The following MGAT4C variants were observed in gnomAD, a reference collection of about 807,000 sequenced individuals.
MGAT4C encodes MGAT4 family member C.
MGAT4C carries 19 observed loss-of-function variants against 40.1 expected under a neutral mutation model. The ratio of observed to expected loss-of-function variants is 0.47; its 90% CI spans 0.33 to 0.70. MGAT4C has a LOEUF of 0.70. Ranked by LOEUF, MGAT4C falls within the 30% of genes least tolerant of loss-of-function variation. MGAT4C has a pLI of 0.02. For synonymous variants in MGAT4C, 181 were observed against 187.1 expected (o/e 0.97, Z 0.27); for missense variants, 491 against 563.2 (o/e 0.87, Z 1.30).
At chr12:86,635,771 G>C (rs1054041485) in intron 2 of MGAT4C, among the ~76,000 whole-genome samples, 3 of 151,504 alleles carry the variant, frequency 2.0e-5, no homozygotes, top group Admixed American at 2.0e-4. Context: ...TGAACTCCTG[G>C]GCTCCAGGGA....
intron 1 of MGAT4C, among the ~76,000 whole-genome samples, chr12:86,191,083 G>GCACACACACA (rs56357601): frequency 1.4e-4 from 20 of 138,470 alleles, no homozygotes; most frequent in Middle Eastern, 3.8e-3. Flanking sequence ...CTCTCTCTCT[G>GCACACACACA]CACACACACA....
At chr12:86,629,943 C>A (rs1459826650) in intron 2 of MGAT4C, among the ~76,000 whole-genome samples, 3 of 151,716 alleles carry the variant, frequency 2.0e-5, no homozygotes, top group Non-Finnish European at 4.4e-5. Flanking sequence ...AAAAACCATT[C>A]AAAAATCAAT....
Position 85,964,057 on chromosome 12 carries a change from G to C in MGAT4C, c.*15232C>G, listed in dbSNP as rs953303131. 6.6e-6 allele frequency: 1 copy of C among 151,686 alleles called. No individual in the cohort carries two copies. Among genetic ancestry groups the C allele is most frequent in the Non-Finnish European group, 1.5e-5 (1 of 67,846 alleles). The allele number at this position is 151,686 out of a possible 1,614,324, so 9.4% of individuals were successfully genotyped here. ...TAAACAAGCAGAAAACAAAACTATA[G>C]AAAAAAGTCAAAGTGACATAAAACA... is the stretch of plus-strand genomic sequence containing the variant. On this transcript the variant is annotated 3_prime_UTR_variant, in exon 5 of 5. Coordinates refer to ENST00000611864, the MANE Select transcript of MGAT4C (RefSeq NM_001351288.2).
At chr12:86,182,270 C>T (rs1888212185) in intron 1 of MGAT4C, among the ~76,000 whole-genome samples, 1 of 152,064 alleles carries the variant, frequency 6.6e-6, no homozygotes, top group Non-Finnish European at 1.5e-5. Context: ...TTTTGACTCT[C>T]ATCATCATAG....
chr12:86,055,491 A>C (rs899357904), intron 1 of MGAT4C, among the ~76,000 whole-genome samples: 1 of 152,052 alleles, frequency 6.6e-6, no homozygotes, highest in African/African-American at 2.4e-5. Context: ...CTAAACCATA[A>C]ATCATATAAG....
chr12:86,519,317 T>G (rs1958750749), intron 2 of MGAT4C, among the ~76,000 whole-genome samples: 2 of 152,190 alleles, frequency 1.3e-5, no homozygotes, highest in South Asian at 4.1e-4. Flanking sequence ...GATGAGAACT[T>G]TGGTTGATTC....
intron 2 of MGAT4C, among the ~76,000 whole-genome samples, chr12:86,475,084 A>G (rs1957812769): frequency 6.6e-6 from 1 of 152,104 alleles, no homozygotes; most frequent in African/African-American, 2.4e-5. Context: ...TTGAAAATTA[A>G]GGACTAAAGT....
intron 1 of MGAT4C, among the ~76,000 whole-genome samples, chr12:86,212,909 AAAAAAAAAAAAAG>A (rs1950535529): frequency 6.8e-6 from 1 of 147,134 alleles, no homozygotes; most frequent in Non-Finnish European, 1.5e-5. Context: ...AAAAAAAAAA[AAAAAAAAAAAAAG>A]AACACTCATT....
At chr12:86,386,364 C>A (rs1956051740) in intron 3 of MGAT4C, among the ~76,000 whole-genome samples, 1 of 152,120 alleles carries the variant, frequency 6.6e-6, no homozygotes, top group South Asian at 2.1e-4. Context: ...TCCCACTAGA[C>A]AATGAATACC....
At chr12:86,504,746 G>A (rs1254249986) in intron 2 of MGAT4C, among the ~76,000 whole-genome samples, 1 of 152,030 alleles carries the variant, frequency 6.6e-6, no homozygotes, top group Non-Finnish European at 1.5e-5. Flanking sequence ...GAGTGCAGTG[G>A]CATGATCTCA....
chr12:86,521,772 T>A (rs1361806358), intron 2 of MGAT4C, among the ~76,000 whole-genome samples: 2 of 152,050 alleles, frequency 1.3e-5, no homozygotes, highest in African/African-American at 4.8e-5. Context: ...CATTCCTTTT[T>A]TTCCTTTGGG....
intron 2 of MGAT4C, among the ~76,000 whole-genome samples, chr12:86,032,219 A>G (rs1890821944): frequency 6.6e-6 from 1 of 151,924 alleles, no homozygotes; most frequent in Non-Finnish European, 1.5e-5. Flanking sequence ...CAGTGCCACA[A>G]TGAATATATG....
At chr12:86,597,934 G>A (rs1253065359) in intron 2 of MGAT4C, among the ~76,000 whole-genome samples, 1 of 151,948 alleles carries the variant, frequency 6.6e-6, no homozygotes, top group African/African-American at 2.4e-5. Flanking sequence ...TGTGCAGTGG[G>A]CATTCGAACT....
At chr12:86,676,524 T>C (rs962930126) in intron 2 of MGAT4C, among the ~76,000 whole-genome samples, 1 of 152,134 alleles carries the variant, frequency 6.6e-6, no homozygotes, top group African/African-American at 2.4e-5. Context: ...GCAATACATA[T>C]ACTTGTGGAT....
At chr12:86,255,211 C>T (rs1952467146) in intron 1 of MGAT4C, among the ~76,000 whole-genome samples, 1 of 152,102 alleles carries the variant, frequency 6.6e-6, no homozygotes, top group African/African-American at 2.4e-5. Context: ...CAATTAATTA[C>T]ACTTTTCTGT....
At chr12:86,101,390 A>G (rs1475310552) in intron 1 of MGAT4C, among the ~76,000 whole-genome samples, 2 of 151,882 alleles carry the variant, frequency 1.3e-5, no homozygotes, top group East Asian at 3.8e-4. Context: ...AAGAATAAGT[A>G]TTAAAGGAAA....
chr12:86,796,526 C>T (rs1952122521), intron 1 of MGAT4C, among the ~76,000 whole-genome samples: 2 of 151,922 alleles, frequency 1.3e-5, no homozygotes. Context: ...AGAGAGTAGA[C>T]TGATGACTTC....
At chr12:86,221,261 ATCGTAATAGTTTTCCTGG>A in intron 1 of MGAT4C, among the ~76,000 whole-genome samples, 1 of 152,106 alleles carries the variant, frequency 6.6e-6, no homozygotes, top group Non-Finnish European at 1.5e-5. Flanking sequence ...CCTGATAACT[ATCGTAATAGTTTTCCTGG>A]TGTGCCATAT....
At chr12:86,085,557 ATC>A (rs2135554019) in intron 1 of MGAT4C, among the ~76,000 whole-genome samples, 1 of 152,084 alleles carries the variant, frequency 6.6e-6, no homozygotes, top group Admixed American at 6.6e-5. Flanking sequence ...GTTCCTATAT[ATC>A]TGTTTTGGTA....
Sources: allele counts gnomAD v4.1 joint callset (sites outside exome capture counted in the v4.1 genomes callset), GRCh38; gene constraint gnomAD v4.1.1; transcripts MANE v1.5; gene names NCBI Gene and HGNC (gene_info 2026-07-23, HGNC 2026-07-21).